The following BICC1 variants were observed in gnomAD, a reference collection of about 807,000 sequenced individuals.
BICC1 encodes the protein protein bicaudal C homolog 1.
Under a neutral mutation model 111.0 loss-of-function variants are expected in BICC1, and 43 were observed. The ratio of observed to expected loss-of-function variants is 0.39; its 90% CI spans 0.30 to 0.50. BICC1 has a LOEUF of 0.50. Among genes scored for constraint, BICC1 ranks in the 20% least tolerant of loss-of-function variants. BICC1 has a pLI of 0.88. For synonymous variants in BICC1, 467 were observed against 434.4 expected (o/e 1.07, Z -0.93); for missense variants, 1,091 against 1,203.2 (o/e 0.91, Z 1.38).
intron 3 of BICC1, among the ~76,000 whole-genome samples, chr10:58,784,529 G>C (rs572788763): frequency 6.6e-6 from 1 of 152,218 alleles, no homozygotes; most frequent in East Asian, 1.9e-4. Context: ...CCAAGCTTCT[G>C]AGTGGTTTTC....
In BICC1 at chr10:58,817,496, C is replaced by T. The variant is rs41305703; in HGVS notation, c.2534-66C>T. On this transcript the variant is annotated intron_variant, in intron 18 of 20. Transcript: ENST00000373886. ...AGTTGAAATATTTAGGTGATTAAAA[C>T]TTTTAATTAAACCATGTTCTCTCTG... 89,236 of 1,568,176 alleles carry T rather than the reference C, an allele frequency of 0.057. 2,991 individuals carry two copies. The highest frequency in any genetic ancestry group is 0.066 in the Non-Finnish European group (74,762 of 1,141,330).
rs912135189 is a variant in BICC1, at chr10:58,591,081, A to AT, written c.191-29765dup. ...CTTCATTAGTTACACCTGGCTCAGC[A>AT]TTTTTTTTTCTTTTCTGCACATCTG... On this transcript the variant is annotated intron_variant, in intron 1 of 20. Coordinates refer to ENST00000373886, the MANE Select transcript of BICC1 (RefSeq NM_001080512.3). 8.6e-5 allele frequency among the ~76,000 whole-genome samples: 13 copies of AT among 150,960 alleles called. 1 individual carries two copies. The highest frequency in any genetic ancestry group is 1.3e-4 in the Admixed American group (2 of 15,114).
chr10:58,806,945 T>C, intron 16 of BICC1, 59 bp from the exon 17 acceptor site: 2 of 1,452,888 alleles, frequency 1.4e-6, no homozygotes, highest in Non-Finnish European at 1.9e-6. Flanking sequence ...TTATCATCAG[T>C]ATTTTATTGA....
chr10:58,629,263 G>C (rs1162945126), intron 2 of BICC1, among the ~76,000 whole-genome samples: 5 of 151,766 alleles, frequency 3.3e-5, no homozygotes, highest in African/African-American at 1.2e-4. Flanking sequence ...AGCTGGATGT[G>C]GTATTGTCTT....
intron 19 of BICC1, among the ~76,000 whole-genome samples, chr10:58,820,031 C>T: frequency 6.6e-6 from 1 of 152,138 alleles, no homozygotes; most frequent in East Asian, 1.9e-4. Flanking sequence ...GATAAAGATA[C>T]ACTTAACCAA....
At chr10:58,716,713 A>G (rs192750009) in intron 3 of BICC1, among the ~76,000 whole-genome samples, 13 of 151,882 alleles carry the variant, frequency 8.6e-5, no homozygotes, top group African/African-American at 3.2e-4. Flanking sequence ...TTACTCTGTA[A>G]GATAAGTGTA....
At position 58,644,640 on chromosome 10, in the gene BICC1, T is replaced by C. The variant is rs114227045; in HGVS notation, c.237+23739T>C. The stretch of plus-strand genomic sequence containing the variant: ...AGTGATCGAAAAAACTAGATAAGGA[T>C]AAGTATTTTCTTGTTTTAACTTTTT... On this transcript the variant is annotated intron_variant, in intron 2 of 20. Transcript: ENST00000373886. 7.3e-3 allele frequency among the ~76,000 whole-genome samples: 1,118 copies of C among 152,318 alleles called. 13 individuals carry two copies. The highest frequency in any genetic ancestry group is 0.022 in the African/African-American group (898 of 41,576).
chr10:58,685,733 A>G (rs2132385686), intron 2 of BICC1, among the ~76,000 whole-genome samples: 1 of 152,024 alleles, frequency 6.6e-6, no homozygotes, highest in South Asian at 2.1e-4. Context: ...ATCTCCCTCC[A>G]TCCCTTTATT....
Position 58,512,928 on chromosome 10 carries a change from C to T in BICC1, c.-216C>T, listed in dbSNP as rs1286037091. Among the ~76,000 whole-genome samples, 2 of 147,168 alleles carry T rather than the reference C, an allele frequency of 1.4e-5. No homozygotes were observed. The highest frequency in any genetic ancestry group is 4.9e-5 in the African/African-American group (2 of 40,926). On this transcript the variant is annotated 5_prime_UTR_variant, in exon 1 of 21. Coordinates refer to ENST00000373886, the MANE Select transcript of BICC1 (RefSeq NM_001080512.3). The stretch of plus-strand genomic sequence containing the variant: ...CGCAGCCACTGGACCCGGACCGGGG[C>T]CGCGACCCGGGGTGGCGGGTGGCGT...
At chr10:58,666,537 A>G (rs1167200876) in intron 2 of BICC1, among the ~76,000 whole-genome samples, 3 of 152,112 alleles carry the variant, frequency 2.0e-5, no homozygotes, top group Admixed American at 6.5e-5. Context: ...TAATTTTTGA[A>G]TCCTTATCCA....
At chr10:58,765,057 G>A (rs1328139475) in intron 3 of BICC1, among the ~76,000 whole-genome samples, 2 of 152,004 alleles carry the variant, frequency 1.3e-5, no homozygotes, top group Non-Finnish European at 2.9e-5. Context: ...TTTGTAGGTA[G>A]TATGGGTTTT....
chr10:58,795,799 T>C (rs977938092), intron 9 of BICC1, among the ~76,000 whole-genome samples: 2 of 152,210 alleles, frequency 1.3e-5, no homozygotes, highest in South Asian at 4.1e-4. Flanking sequence ...CAATGAGGGA[T>C]AGTCATACCT....
chr10:58,697,107 G>A (rs10826224), intron 2 of BICC1, among the ~76,000 whole-genome samples: 37,357 of 152,080 alleles, frequency 0.25, 5,710 homozygotes, highest in African/African-American at 0.43. Flanking sequence ...AGGCATCAGC[G>A]TCATATTTTG....
chr10:58,700,571 G>A (rs1403551526), intron 2 of BICC1, among the ~76,000 whole-genome samples: 1 of 152,186 alleles, frequency 6.6e-6, no homozygotes, highest in Non-Finnish European at 1.5e-5. Flanking sequence ...CCAGTACCTT[G>A]ACTTAGTGAA....
intron 2 of BICC1, among the ~76,000 whole-genome samples, chr10:58,685,376 A>G (rs900953926): frequency 6.6e-6 from 1 of 152,204 alleles, no homozygotes; most frequent in Admixed American, 6.5e-5. Context: ...GTAGATGTCT[A>G]TTAGGTCCGC....
intron 3 of BICC1, among the ~76,000 whole-genome samples, chr10:58,752,337 A>G (rs1007867466): frequency 6.6e-6 from 1 of 152,096 alleles, no homozygotes; most frequent in African/African-American, 2.4e-5. Flanking sequence ...ATGCCCAGGG[A>G]TAGAGTTTGA....
intron 2 of BICC1, among the ~76,000 whole-genome samples, chr10:58,666,837 C>G (rs1174207124): frequency 6.6e-6 from 1 of 152,098 alleles, no homozygotes; most frequent in Non-Finnish European, 1.5e-5. Context: ...TTTTCTCTTT[C>G]TTAATTGAAT....
At chr10:58,628,645 T>C (rs143393169) in intron 2 of BICC1, among the ~76,000 whole-genome samples, 1 of 152,158 alleles carries the variant, frequency 6.6e-6, no homozygotes, top group Non-Finnish European at 1.5e-5. Context: ...GGCAACAATA[T>C]CTGGGTATAG....
At chr10:58,642,531 C>G (rs940397696) in intron 2 of BICC1, among the ~76,000 whole-genome samples, 2 of 152,116 alleles carry the variant, frequency 1.3e-5, no homozygotes. Context: ...ACCGTGCCCT[C>G]AACGTCTAGC....
Sources: allele counts gnomAD v4.1 joint callset (sites outside exome capture counted in the v4.1 genomes callset), GRCh38; gene constraint gnomAD v4.1.1; transcripts MANE v1.5; gene names NCBI Gene and HGNC (gene_info 2026-07-23, HGNC 2026-07-21).